The following ZNF587 variants were observed in gnomAD, a reference collection of about 807,000 sequenced individuals.
The protein encoded by ZNF587 is zinc finger protein zfp6.
ZNF587 carries 8 observed loss-of-function variants against 7.5 expected under a neutral mutation model. The ratio of observed to expected loss-of-function variants is 1.06; its 90% CI spans 0.62 to 1.92. The LOEUF is 1.92. Ranked by LOEUF, ZNF587 falls within the 40% of genes most tolerant of loss-of-function variation. ZNF587 has a pLI of 0.00. For synonymous variants in ZNF587, 145 were observed against 237.8 expected (o/e 0.61, Z 3.59); for missense variants, 468 against 692.8 (o/e 0.68, Z 3.64).
chr19:57,850,042 G>C lies in ZNF587; in HGVS notation c.4G>C (p.Ala2Pro). 6.2e-7 allele frequency: 1 copy of C among 1,614,260 alleles called. No individual in the cohort carries two copies. The highest frequency in any genetic ancestry group is 8.5e-7 in the Non-Finnish European group (1 of 1,180,054). The change falls in exon 1 of 3, where the codon GCA becomes CCA. Residue 2 changes from alanine (A) to proline (P), a missense_variant. Ala to Pro is a conservative substitution (Grantham distance 27, BLOSUM62 -1). Coordinates refer to ENST00000339656, the MANE Select transcript of ZNF587 (RefSeq NM_032828.4). The part of the protein sequence containing the change: M[A>P]AAVPRRPTQQ... ...CCGTGCTTCCCCAAGTAGTCCGATG[G>C]CAGCGGCTGTGCCGAGGCGCCCAAC...
At chr19:57,855,521 T>C (rs544723579) in intron 1 of ZNF587, among the ~76,000 whole-genome samples, 1 of 150,906 alleles carries the variant, frequency 6.6e-6, no homozygotes, top group South Asian at 2.1e-4. Flanking sequence ...GGGCTTTACG[T>C]GACCTTGGAT....
chr19:57,850,016 G>A lies in ZNF587; in HGVS notation c.-23G>A. 1 of 1,614,198 alleles carries A rather than the reference G, an allele frequency of 6.2e-7. No homozygotes were observed. Among genetic ancestry groups the A allele is most frequent in the Non-Finnish European group, 8.5e-7 (1 of 1,180,052 alleles). On this transcript the variant is annotated 5_prime_UTR_variant, in exon 1 of 3. Transcript: ENST00000339656. ...CCGTGACGGCGACCACTGCTCCCGG[G>A]CCGTGCTTCCCCAAGTAGTCCGATG...
intron 2 of ZNF587, among the ~76,000 whole-genome samples, chr19:57,856,643 C>T (rs1006183262): frequency 3.9e-5 from 6 of 151,956 alleles, no homozygotes; most frequent in South Asian, 2.1e-4. Context: ...CTCCTGACCT[C>T]GTGATCCACC....
In ZNF587 at chr19:57,862,919, G is replaced by C. The variant is rs1473381637; in HGVS notation, c.*2779G>C. 1 of 154,974 alleles carries C rather than the reference G, an allele frequency of 6.5e-6. No homozygotes were observed. Among genetic ancestry groups the C allele is most frequent in the African/African-American group, 2.4e-5 (1 of 41,516 alleles). The allele number at this position is 154,974 out of a possible 1,614,324, so 9.6% of individuals were successfully genotyped here. ...AACAGCTTTATATTTGTGAAGTGAA[G>C]AACATGAAGACAGTTTCAAGCAAAG... On this transcript the variant is annotated 3_prime_UTR_variant, in exon 3 of 3. Transcript: ENST00000339656.
intron 2 of ZNF587, among the ~76,000 whole-genome samples, chr19:57,856,480 T>C (rs1426010111): frequency 6.6e-6 from 1 of 151,332 alleles, no homozygotes; most frequent in Non-Finnish European, 1.5e-5. Context: ...CCATCTCGGC[T>C]CACTGCAAGC....
At chr19:57,850,095 C>G (rs1235318789) in intron 1 of ZNF587, 24 bp downstream of exon 1, 6 of 1,614,140 alleles carry the variant, frequency 3.7e-6, no homozygotes, top group Non-Finnish European at 4.2e-6. Context: ...CTTCTGTGCC[C>G]TCAGGTCACC....
rs2071461567 is a variant in ZNF587, at chr19:57,863,371, C to A, written c.*3231C>A. 6.6e-6 allele frequency: 1 copy of A among 152,372 alleles called. No homozygotes were observed. The highest frequency in any genetic ancestry group is 1.5e-5 in the Non-Finnish European group (1 of 68,208). The allele number at this position is 152,372 out of a possible 1,614,324, so 9.4% of individuals were successfully genotyped here. On this transcript the variant is annotated 3_prime_UTR_variant, in exon 3 of 3. Transcript: ENST00000339656. ...GACCTCGTGATCCACCCACCTCGGC[C>A]TCCCAAAGTGCTGGAATTACAGGCG...
In ZNF587 at chr19:57,856,132, C is replaced by T. The variant is rs762605261; in HGVS notation, c.62C>T (p.Ala21Val). ...QQGTVTFEDV[A>V]VNFSQEEWCL... Reference sequence around the variant, plus strand: ...GGCACTGTGACCTTTGAAGATGTGGCTGTGAACTTTTCCCAGGAGGAGTGG... The same window carrying T: ...GGCACTGTGACCTTTGAAGATGTGGTTGTGAACTTTTCCCAGGAGGAGTGG... Residue 21 changes from alanine to valine, a missense_variant, in exon 2 of 3, where the codon GCT becomes GTT. Physicochemically the swap from Ala to Val is moderately conservative, Grantham distance 64. This residue lies in a region of ZNF587 where 92 missense variants were observed against 89.7 expected (regional missense o/e 1.03). Transcript: ENST00000339656. The T allele has an allele frequency of 1.9e-6, 3 of 1,612,914 alleles. No homozygotes were observed. The highest frequency in any genetic ancestry group is 2.5e-6 in the Non-Finnish European group (3 of 1,179,690).
chr19:57,854,890 A>T (rs1265090594), intron 1 of ZNF587, among the ~76,000 whole-genome samples: 4 of 151,712 alleles, frequency 2.6e-5, no homozygotes, highest in Non-Finnish European at 5.9e-5. Flanking sequence ...AAAAAAAAAA[A>T]TACAGGCCAG....
At chr19:57,851,275 A>G (rs1292979003) in intron 1 of ZNF587, 3 of 152,186 alleles carry the variant, frequency 2.0e-5, no homozygotes, top group African/African-American at 7.2e-5. Flanking sequence ...CTTGTAGCTA[A>G]TTTGTTAGTC....
Position 57,859,282 on chromosome 19 carries a change from C to T in ZNF587, c.870C>T (p.His290=). The part of the protein sequence containing the change: ...KSSLIQHQRV[H]TGQTAYPCEE... ...GCCTTATTCAACATCAGCGAGTCCA[C>T]ACTGGACAGACAGCTTATCCCTGTG... Residue 290 remains histidine, a synonymous_variant, in exon 3 of 3, where the codon CAC becomes CAT. Coordinates refer to ENST00000339656, the MANE Select transcript of ZNF587 (RefSeq NM_032828.4). 6.4e-7 allele frequency: 1 copy of T among 1,552,056 alleles called. No homozygotes were observed. The highest frequency in any genetic ancestry group is 8.8e-7 in the Non-Finnish European group (1 of 1,137,138).
At chr19:57,855,287 G>A (rs2071337433) in intron 1 of ZNF587, among the ~76,000 whole-genome samples, 1 of 152,080 alleles carries the variant, frequency 6.6e-6, no homozygotes, top group South Asian at 2.1e-4. Flanking sequence ...GGAGGCTGCA[G>A]TGAGCCATGA....
Position 57,864,843 on chromosome 19 carries a change from A to ATT in ZNF587, c.*4703_*4704insTT, listed in dbSNP as rs2071487611. ...CCTTTGTAATCAGGGGGAATTAAAG[A>ATT]GCCTTCCTGGAAAATGGAGGTTGCA... On this transcript the variant is annotated 3_prime_UTR_variant, in exon 3 of 3. Coordinates refer to ENST00000339656, the MANE Select transcript of ZNF587 (RefSeq NM_032828.4). 1 of 152,166 alleles carries ATT rather than the reference A, an allele frequency of 6.6e-6. No individual in the cohort carries two copies. The highest frequency in any genetic ancestry group is 1.5e-5 in the Non-Finnish European group (1 of 68,034). 9.4% of individuals were successfully genotyped at this position (152,166 alleles called of 1,614,324 possible).
Position 57,859,609 on chromosome 19 carries a change from G to C in ZNF587, c.1197G>C (p.Gln399His). The change falls in exon 3 of 3, where the codon CAG becomes CAC. Residue 399 changes from glutamine (Q) to histidine (H), a missense_variant. Physicochemically the swap from Gln to His is conservative, Grantham distance 24. Transcript: ENST00000339656. ...FGQKGNLVHH[Q>H]RGHTGERPYE... Reference sequence around the variant, plus strand: ...AAAAGGGCAACCTCGTTCACCATCAGCGAGGTCATACTGGAGAAAGGCCCT... The same window carrying C: ...AAAAGGGCAACCTCGTTCACCATCACCGAGGTCATACTGGAGAAAGGCCCT... 2 of 1,614,104 alleles carry C rather than the reference G, an allele frequency of 1.2e-6. No homozygotes were observed. The highest frequency in any genetic ancestry group is 1.7e-6 in the Non-Finnish European group (2 of 1,180,036).
Position 57,858,776 on chromosome 19 carries a change from A to G in ZNF587, c.364A>G (p.Ser122Gly). The G allele has an allele frequency of 1.2e-6, 2 of 1,600,710 alleles. No individual in the cohort carries two copies. Among genetic ancestry groups the G allele is most frequent in the Non-Finnish European group, 1.7e-6 (2 of 1,172,358 alleles). Reference protein sequence around the residue: ...ETHHKQKLNRSGACGKNLDDT... With the variant: ...ETHHKQKLNRGGACGKNLDDT... ...TCATCACAAGCAGAAGCTGAACAGG[A>G]GTGGAGCATGTGGAAAAAACTTGGA... The change falls in exon 3 of 3, where the codon AGT becomes GGT. Residue 122 changes from serine to glycine, a missense_variant. By Grantham distance (56) the Ser-to-Gly change is moderately conservative. This residue lies in a region of ZNF587 where 23 missense variants were observed against 66.2 expected (regional missense o/e 0.35). Coordinates refer to ENST00000339656, the MANE Select transcript of ZNF587 (RefSeq NM_032828.4).
chr19:57,859,012 G>C lies in ZNF587; in HGVS notation c.600G>C (p.Met200Ile), dbSNP rs1470045429. 3 of 1,612,562 alleles carry C rather than the reference G, an allele frequency of 1.9e-6. No homozygotes were observed. The African/African-American group carries it at 4.0e-5, about 22-fold the overall frequency. Residue 200 changes from methionine to isoleucine, a missense_variant, in exon 3 of 3, where the codon ATG becomes ATC. Met to Ile is a conservative substitution (Grantham distance 10). Around this residue, in one of 5 missense-constraint regions of ZNF587, gnomAD observed 23 missense variants for 166.4 expected, o/e 0.14. Coordinates refer to ENST00000339656, the MANE Select transcript of ZNF587 (RefSeq NM_032828.4). ...TAGAGAAGACAGACAGTGAAACTAT[G>C]CATGGCCCACCCTTTCAGGAGGGAA... ...AAVEKTDSET[M>I]HGPPFQEGKT...
Position 57,859,335 on chromosome 19 carries a change from A to G in ZNF587, c.923A>G (p.Lys308Arg), listed in dbSNP as rs1259545453. 6.2e-7 allele frequency: 1 copy of G among 1,607,692 alleles called. No individual in the cohort carries two copies. Among genetic ancestry groups the G allele is most frequent in the Non-Finnish European group, 8.5e-7 (1 of 1,178,388 alleles). Residue 308 changes from lysine (K) to arginine (R), a missense_variant, in exon 3 of 3, where the codon AAG becomes AGG. Transcript: ENST00000339656. ...CEECGKSFSQKGSLISHQLVH... is the reference protein window; with the variant it reads ...CEECGKSFSQRGSLISHQLVH... ...GAGTGCGGGAAATCTTTTAGTCAGA[A>G]GGGCAGCCTTATTAGCCATCAGCTT...
At position 57,857,906 on chromosome 19, in the gene ZNF587, G is replaced by T. The variant is rs1056636250; in HGVS notation, c.164-670G>T. On this transcript the variant is annotated intron_variant, in intron 2 of 2. Transcript: ENST00000339656. The stretch of plus-strand genomic sequence containing the variant: ...CCGCCTCGGCCTTGCAAAGTGCTGG[G>T]ATTACAGGAGTGAGCCACCGTGCCC... 5.3e-5 allele frequency among the ~76,000 whole-genome samples: 8 copies of T among 151,780 alleles called. No homozygotes were observed. The East Asian group carries it at 1.5e-3, about 29-fold the overall frequency.
Position 57,863,090 on chromosome 19 carries a change from C to CACA in ZNF587, c.*2952_*2954dup, listed in dbSNP as rs2071457251. On this transcript the variant is annotated 3_prime_UTR_variant, in exon 3 of 3. Coordinates refer to ENST00000339656, the MANE Select transcript of ZNF587 (RefSeq NM_032828.4). ...CCTCAGCCTCCTGAGTAGCTGGGAC[C>CACA]ACAAGCGCCCACCACGTCAGCTTAA... 6.5e-6 allele frequency: 1 copy of CACA among 152,748 alleles called. No homozygotes were observed. Among genetic ancestry groups the CACA allele is most frequent in the South Asian group, 2.1e-4 (1 of 4,816 alleles). 9.5% of individuals were successfully genotyped at this position (152,748 alleles called of 1,614,324 possible).
Sources: allele counts gnomAD v4.1 joint callset (sites outside exome capture counted in the v4.1 genomes callset), GRCh38; gene constraint gnomAD v4.1.1; regional missense constraint gnomAD v4.1.1; transcripts MANE v1.5; gene names NCBI Gene and HGNC (gene_info 2026-07-23, HGNC 2026-07-21).